The following ADAMTSL1 variants were observed in gnomAD, a reference collection of about 807,000 sequenced individuals.
ADAMTSL1 encodes ADAMTS like 1.
ADAMTSL1 carries 126 observed loss-of-function variants against 201.8 expected under a neutral mutation model. The ratio of observed to expected loss-of-function variants is 0.62; its 90% CI spans 0.54 to 0.72. The LOEUF (loss-of-function observed/expected upper bound fraction) is 0.72, where lower values mean the gene tolerates loss of function less well. ADAMTSL1 is among the 30% of genes least tolerant of loss of function. The pLI is 0.00. For missense variants in ADAMTSL1, 2,679 were observed against 2,277.8 expected (o/e 1.18, Z -3.59); for synonymous variants, 1,121 against 903.4 (o/e 1.24, Z -4.32).
intron 2 of ADAMTSL1, among the ~76,000 whole-genome samples, chr9:18,300,713 G>A (rs1833674607): frequency 6.6e-6 from 1 of 152,030 alleles, no homozygotes; most frequent in Non-Finnish European, 1.5e-5. Flanking sequence ...CTAGTGAGCA[G>A]GAAATTTAAT....
chr9:17,919,263 TA>T (rs879709738), intron 1 of ADAMTSL1, among the ~76,000 whole-genome samples: 340 of 142,260 alleles, frequency 2.4e-3, no homozygotes, highest in African/African-American at 4.5e-3. Context: ...TTCCTTTTTG[TA>T]AAAAAAAAAA....
chr9:18,890,461 T>G (rs1041018286), intron 25 of ADAMTSL1: 13 of 455,286 alleles, frequency 2.9e-5, no homozygotes, highest in African/African-American at 2.4e-4. Flanking sequence ...GCTGAGAGCC[T>G]GGGGGGATGT....
rs1821149293 is a variant in ADAMTSL1, at chr9:18,777,772, G to T, written c.3543G>T (p.Val1181=). ...SAAQQLSASE[V]VTHLGQTVAL... is the part of the protein sequence containing the mutation. Reference sequence around the variant, plus strand: ...CCCAGCAGCTCTCAGCCTCGGAGGTGGTCACCCACCTGGGGCAGACGGTGG... The same window carrying T: ...CCCAGCAGCTCTCAGCCTCGGAGGTTGTCACCCACCTGGGGCAGACGGTGG... The change falls in exon 19 of 29, where the codon GTG becomes GTT. Residue 1181 remains valine, a synonymous_variant. Coordinates refer to ENST00000380548, the MANE Select transcript of ADAMTSL1 (RefSeq NM_001040272.6). 6.2e-7 allele frequency: 1 copy of T among 1,613,742 alleles called. No individual in the cohort carries two copies. The highest frequency in any genetic ancestry group is 1.3e-5 in the African/African-American group (1 of 75,072).
chr9:17,928,672 G>A lies in ADAMTSL1; in HGVS notation c.87+21750G>A, dbSNP rs142296177. The stretch of plus-strand genomic sequence containing the variant: ...CACCTGTAATCCCAGTACTTTGGGA[G>A]GCTGAGGAGGGAGGATTGCTTGAGG... On this transcript the variant is annotated intron_variant, in intron 1 of 29. Transcript: ENST00000680146. Among the ~76,000 whole-genome samples the A allele has an allele frequency of 5.9e-3, 903 of 152,262 alleles. 12 individuals are homozygous for A. Among genetic ancestry groups the A allele is most frequent in the African/African-American group, 0.02 (849 of 41,572 alleles).
chr9:18,369,006 G>T (rs905724015), intron 2 of ADAMTSL1, among the ~76,000 whole-genome samples: 1 of 152,130 alleles, frequency 6.6e-6, no homozygotes, highest in African/African-American at 2.4e-5. Flanking sequence ...TAGAGTTACT[G>T]TTCTTCACTT....
At chr9:18,176,933 T>A (rs1828192122) in intron 2 of ADAMTSL1, among the ~76,000 whole-genome samples, 1 of 152,210 alleles carries the variant, frequency 6.6e-6, no homozygotes, top group Admixed American at 6.5e-5. Flanking sequence ...TAAACTCAGT[T>A]ACATATGAAG....
At chr9:18,348,910 A>C (rs1416930138) in intron 2 of ADAMTSL1, among the ~76,000 whole-genome samples, 1 of 152,240 alleles carries the variant, frequency 6.6e-6, no homozygotes, top group Non-Finnish European at 1.5e-5. Flanking sequence ...CATTTATTGA[A>C]CGTGTATTGC....
At chr9:18,370,824 T>C (rs1837012587) in intron 2 of ADAMTSL1, among the ~76,000 whole-genome samples, 1 of 152,130 alleles carries the variant, frequency 6.6e-6, no homozygotes, top group Non-Finnish European at 1.5e-5. Context: ...CTTGCTTTTT[T>C]TCAGATAGAG....
intron 1 of ADAMTSL1, among the ~76,000 whole-genome samples, chr9:18,100,476 C>G (rs1433886589): frequency 6.6e-6 from 1 of 152,132 alleles, no homozygotes; most frequent in Admixed American, 6.6e-5. Flanking sequence ...GCTAATTTCC[C>G]TGAACTTTCA....
intron 22 of ADAMTSL1, among the ~76,000 whole-genome samples, chr9:18,828,721 A>C (rs1205952152): frequency 8.5e-6 from 1 of 117,614 alleles, no homozygotes; most frequent in Non-Finnish European, 1.8e-5. Context: ...ATATATATAT[A>C]TGTACACACA....
intron 1 of ADAMTSL1, among the ~76,000 whole-genome samples, chr9:17,976,200 T>G (rs1371467464): frequency 6.6e-6 from 1 of 150,690 alleles, no homozygotes. Context: ...CTTTAGCTAT[T>G]TGGGGATCTT....
At chr9:18,260,057 C>G (rs948967721) in intron 2 of ADAMTSL1, among the ~76,000 whole-genome samples, 1 of 152,130 alleles carries the variant, frequency 6.6e-6, no homozygotes, top group Non-Finnish European at 1.5e-5. Context: ...GCATTTAAAC[C>G]GTCAAAGGCA....
chr9:18,063,223 C>T (rs1483366197), intron 1 of ADAMTSL1, among the ~76,000 whole-genome samples: 1 of 152,050 alleles, frequency 6.6e-6, no homozygotes. Flanking sequence ...GTGGTGTCTG[C>T]CTATAGTTTC....
chr9:18,627,666 C>T (rs1826477572), intron 5 of ADAMTSL1, among the ~76,000 whole-genome samples: 2 of 152,204 alleles, frequency 1.3e-5, no homozygotes, highest in South Asian at 2.1e-4. Flanking sequence ...CAAGCTTCCT[C>T]TTCTGCCTGC....
chr9:18,522,447 T>C (rs568230636), intron 2 of ADAMTSL1, among the ~76,000 whole-genome samples: 116 of 152,224 alleles, frequency 7.6e-4, no homozygotes, highest in African/African-American at 2.6e-3. Context: ...AATTTTTATT[T>C]TATTTTATTA....
chr9:18,373,213 A>T (rs1305451063), intron 2 of ADAMTSL1, among the ~76,000 whole-genome samples: 2 of 152,184 alleles, frequency 1.3e-5, no homozygotes, highest in Non-Finnish European at 2.9e-5. Flanking sequence ...AAAATAACCT[A>T]TGAATTAATT....
At chr9:18,671,813 A>G (rs953522203) in intron 9 of ADAMTSL1, among the ~76,000 whole-genome samples, 31 of 152,260 alleles carry the variant, frequency 2.0e-4, no homozygotes, top group African/African-American at 2.4e-4. Context: ...CAAGGTGGGC[A>G]GATCACGAGG....
At chr9:18,532,168 A>C (rs1819483286) in intron 2 of ADAMTSL1, among the ~76,000 whole-genome samples, 1 of 152,138 alleles carries the variant, frequency 6.6e-6, no homozygotes, top group Non-Finnish European at 1.5e-5. Flanking sequence ...TTCATGATTT[A>C]AGTGTCAGCA....
chr9:18,780,174 G>A (rs1821308488), intron 19 of ADAMTSL1, among the ~76,000 whole-genome samples: 1 of 152,198 alleles, frequency 6.6e-6, no homozygotes, highest in African/African-American at 2.4e-5. Flanking sequence ...CTGCAGGAAT[G>A]ATGTGGAAGG....
Sources: gnomAD v4.1 joint callset for allele counts (sites outside exome capture counted in the v4.1 genomes callset) on GRCh38, gnomAD v4.1.1 for gene constraint, MANE v1.5 for transcripts, NCBI Gene and HGNC (gene_info 2026-07-23, HGNC 2026-07-21) for gene names.